Variants in TPTE2 observed in about 807,000 individuals in gnomAD.
The protein encoded by TPTE2 is phosphatidylinositol 3,4,5-trisphosphate 3-phosphatase TPTE2.
In TPTE2, 53 loss-of-function variants were observed where a neutral mutation model predicts 78.6. That is an observed-to-expected ratio of 0.67 (90% CI 0.54 to 0.85). The LOEUF (loss-of-function observed/expected upper bound fraction) is 0.85, where lower values mean the gene tolerates loss of function less well. Among genes scored for constraint, TPTE2 ranks in the 40% least tolerant of loss-of-function variants. The pLI, the probability that TPTE2 is intolerant of heterozygous loss-of-function variation, is 0.00. For missense variants in TPTE2, 461 were observed against 623.0 expected (o/e 0.74, Z 2.77); for synonymous variants, 175 against 206.2 (o/e 0.85, Z 1.30).
At chr13:19,456,851 A>C (rs1158335859) in intron 10 of TPTE2, among the ~76,000 whole-genome samples, 2 of 152,170 alleles carry the variant, frequency 1.3e-5, no homozygotes, top group Admixed American at 1.3e-4. Flanking sequence ...TGGAAATTCA[A>C]AAAATCTAAG....
chr13:19,482,393 T>G, intron 4 of TPTE2, 95 bp downstream of exon 7: 5 of 1,406,336 alleles, frequency 3.6e-6, no homozygotes, highest in Non-Finnish European at 4.8e-6. Flanking sequence ...TTCCATAGTT[T>G]CCCTTTTTCC....
intron 13 of TPTE2, among the ~76,000 whole-genome samples, chr13:19,441,520 A>T (rs756815629): frequency 5.3e-5 from 8 of 152,248 alleles, no homozygotes; most frequent in Non-Finnish European, 4.4e-5. Context: ...GAAATCTATA[A>T]TAATGCAATT....
chr13:19,475,960 G>C (rs1879911326), intron 4 of TPTE2, among the ~76,000 whole-genome samples: 1 of 152,140 alleles, frequency 6.6e-6, no homozygotes, highest in Non-Finnish European at 1.5e-5. Context: ...TGGTAGAAGA[G>C]AACCGTATTT....
rs540679879 is a variant in TPTE2, at chr13:19,488,009, C to T, written c.119+4841G>A. Among the ~76,000 whole-genome samples, 10 of 152,298 alleles carry T rather than the reference C, an allele frequency of 6.6e-5. No homozygotes were observed. In the East Asian group the frequency reaches 1.7e-3, roughly 27 times the overall value. The stretch of plus-strand genomic sequence containing the variant: ...TTCACCCTGCAATGAGAAGTCCCTC[C>T]TGTCTCTGGGCCAATTCAATCCAGA... On this transcript the variant is annotated intron_variant, in intron 3 of 19. Transcript: ENST00000400230.
chr13:19,520,926 C>T (rs901485075), intron 1 of TPTE2, among the ~76,000 whole-genome samples: 2 of 151,972 alleles, frequency 1.3e-5, no homozygotes, highest in African/African-American at 4.8e-5. Context: ...TCTTACTATT[C>T]TAACCTCATT....
chr13:19,424,991 A>G (rs1473314079), exon 19 of TPTE2: 6 of 1,548,414 alleles, frequency 3.9e-6, no homozygotes, highest in Admixed American at 3.8e-5. Flanking sequence ...AGAAAAATGG[A>G]CAATTGTCAT....
chr13:19,473,583 A>C (rs771811978), intron 6 of TPTE2, among the ~76,000 whole-genome samples: 6 of 139,714 alleles, frequency 4.3e-5, no homozygotes, highest in Admixed American at 7.9e-5. Flanking sequence ...GCTCCTGTTA[A>C]TTATTTTAAA....
intron 1 of TPTE2, among the ~76,000 whole-genome samples, chr13:19,536,184 G>A (rs1022987663): frequency 2.0e-5 from 3 of 151,888 alleles, no homozygotes; most frequent in African/African-American, 7.3e-5. Flanking sequence ...AATTATCTTG[G>A]AATCTGATAA....
At position 19,535,696 on chromosome 13, in the gene TPTE2, A is replaced by T. The variant is rs551636035; in HGVS notation, c.-44+900T>A. Among the ~76,000 whole-genome samples the T allele has an allele frequency of 1.3e-5, 2 of 151,668 alleles. No homozygotes were observed. Among genetic ancestry groups the T allele is most frequent in the East Asian group, 3.9e-4 (2 of 5,158 alleles). ...CACCAGGCTGGAGTGCAATGGTGTG[A>T]CCTCAGCTCACTGCAACTTCCACCT... On this transcript the variant is annotated intron_variant, in intron 1 of 17. Transcript: ENST00000390680. This position sits in a 1 kb window ranked among gnomAD's most constrained non-coding sequence, Gnocchi z 5.1.
chr13:19,529,055 T>C (rs372908061), intron 1 of TPTE2, among the ~76,000 whole-genome samples: 28 of 151,594 alleles, frequency 1.8e-4, no homozygotes, highest in African/African-American at 5.1e-4. Flanking sequence ...GAGGCGGGGG[T>C]TGCAGTGAGC....
rs368482243 is a variant in TPTE2, at chr13:19,430,472, C to T, written c.1298G>A (p.Cys433Tyr). The change falls in exon 17 of 20, where the codon TGT (cysteine) becomes TAT (tyrosine). Residue 433 changes from cysteine to tyrosine, a missense_variant. Cys to Tyr is a radical substitution (Grantham distance 194). Transcript: ENST00000400230. The stretch of plus-strand genomic sequence containing the variant: ...AATTCACATGTTTTCTCTTACCGAA[C>T]AATTTCCTAATGAAGTACTGGAAAA... 1.9e-5 allele frequency: 30 copies of T among 1,607,714 alleles called. No homozygotes were observed. In the African/African-American group the frequency reaches 3.9e-4, roughly 21 times the overall value.
chr13:19,551,531 A>G, the TPTE2 span, among the ~76,000 whole-genome samples: 1 of 152,178 alleles, frequency 6.6e-6, no homozygotes, highest in Admixed American at 6.5e-5. Context: ...GGTTGCAGTG[A>G]GCCGAGATCA....
At chr13:19,432,816 G>A (rs1393249282) in intron 15 of TPTE2, among the ~76,000 whole-genome samples, 1 of 151,848 alleles carries the variant, frequency 6.6e-6, no homozygotes, top group Non-Finnish European at 1.5e-5. Context: ...GCCAGGCCCT[G>A]TTTATAGGCT....
intron 4 of TPTE2, among the ~76,000 whole-genome samples, chr13:19,476,790 G>A (rs982981092): frequency 1.3e-5 from 2 of 152,086 alleles, no homozygotes; most frequent in Non-Finnish European, 2.9e-5. Flanking sequence ...TTCAACCACT[G>A]TAAAAAGCAG....
the TPTE2 span, among the ~76,000 whole-genome samples, chr13:19,552,394 A>G: frequency 6.6e-6 from 1 of 152,182 alleles, no homozygotes; most frequent in Non-Finnish European, 1.5e-5. Context: ...AGCATCTAAA[A>G]ATAAGTGAAA....
chr13:19,493,017 C>T, intron 2 of TPTE2, 114 bp from the exon 6 acceptor site: 1 of 1,438,650 alleles, frequency 7.0e-7, no homozygotes, highest in South Asian at 1.3e-5. Context: ...TGTCAGAAAT[C>T]TGAGTCCCAT....
At chr13:19,548,681 C>T in the TPTE2 span, among the ~76,000 whole-genome samples, 1 of 150,850 alleles carries the variant, frequency 6.6e-6, no homozygotes, top group Admixed American at 6.6e-5. Flanking sequence ...GAAATTGGAC[C>T]CCCACCTTTG....
chr13:19,481,831 A>G (rs1880376571), intron 4 of TPTE2, among the ~76,000 whole-genome samples: 1 of 152,170 alleles, frequency 6.6e-6, no homozygotes, highest in Non-Finnish European at 1.5e-5. Flanking sequence ...CCTCTATGGC[A>G]GTACTTCCTC....
intron 10 of TPTE2, 68 bp downstream of exon 13, chr13:19,464,388 T>C: frequency 7.0e-7 from 1 of 1,437,038 alleles, no homozygotes; most frequent in East Asian, 2.3e-5. Context: ...TCTGGGTCAA[T>C]ATTAAACTTA....
Sources: gnomAD v4.1 joint callset for allele counts (sites outside exome capture counted in the v4.1 genomes callset) on GRCh38, gnomAD v4.1.1 for gene constraint, Gnocchi (gnomAD v3.1) non-coding constraint, MANE v1.5 for transcripts, NCBI Gene and HGNC (gene_info 2026-07-23, HGNC 2026-07-21) for gene names.